The following DST variants were observed in gnomAD, a reference collection of about 807,000 sequenced individuals.
DST encodes bullous pemphigoid antigen.
In DST, 253 loss-of-function variants were observed where a neutral mutation model predicts 875.2. The observed-to-expected ratio is 0.29, with a 90% CI of 0.26 to 0.32. The LOEUF is 0.32. Among genes scored for constraint, DST ranks in the 10% least tolerant of loss-of-function variants. DST has a pLI of 1.00. For missense variants in DST, 8,287 were observed against 9,111.6 expected (o/e 0.91, Z 3.68); for synonymous variants, 3,124 against 3,197.1 (o/e 0.98, Z 0.77).
At chr6:56,459,306 G>A (rs147719000) in intron 103 of DST, 39 bp from the exon 104 acceptor site, 70 of 1,571,070 alleles carry the variant, frequency 4.5e-5, no homozygotes, top group Non-Finnish European at 5.6e-5. Context: ...CCTTATTATT[G>A]GGTCCATCTG....
chr6:56,801,037 A>C (rs567924271), intron 4 of DST, among the ~76,000 whole-genome samples: 1 of 151,930 alleles, frequency 6.6e-6, no homozygotes, highest in South Asian at 2.1e-4. Context: ...AAAAAAAAAA[A>C]AAAAAAAAAC....
chr6:56,468,079 T>C (rs1463080261), intron 98 of DST, among the ~76,000 whole-genome samples: 2 of 152,182 alleles, frequency 1.3e-5, no homozygotes, highest in Admixed American at 6.6e-5. Flanking sequence ...TGAGATGTAA[T>C]ATGGCTTTAA....
intron 3 of DST, among the ~76,000 whole-genome samples, chr6:56,888,084 G>A (rs1785487940): frequency 6.6e-6 from 1 of 151,608 alleles, no homozygotes; most frequent in Non-Finnish European, 1.5e-5. Flanking sequence ...CCAAGTAGCT[G>A]AGACTACAGG....
Position 56,635,722 on chromosome 6 carries a change from A to G in DST, c.3061-8T>C. 6.2e-7 allele frequency: 1 copy of G among 1,613,436 alleles called. No individual in the cohort carries two copies. Among genetic ancestry groups the G allele is most frequent in the East Asian group, 2.2e-5 (1 of 44,840 alleles). On this transcript the variant is annotated splice_region_variant and splice_polypyrimidine_tract_variant and intron_variant, in intron 23 of 103. Coordinates refer to ENST00000680361, the MANE Select transcript of DST (RefSeq NM_001374736.1). ...TTTGGCATCATTGAAAAACTAAGGA[A>G]AGATGAAACCTGGAAGTTAAAGTAT...
chr6:56,800,726 C>T (rs1178524122), intron 4 of DST, among the ~76,000 whole-genome samples: 3 of 151,238 alleles, frequency 2.0e-5, no homozygotes, highest in African/African-American at 7.3e-5. Context: ...AAAATAAAAA[C>T]TCCTATCTAA....
intron 58 of DST, 130 bp downstream of exon 58, chr6:56,560,164 A>C (rs753633422): frequency 1.2e-5 from 11 of 948,774 alleles, no homozygotes; most frequent in Non-Finnish European, 1.6e-5. Flanking sequence ...TATGCAAAAA[A>C]TAGATTCTGA....
intron 4 of DST, among the ~76,000 whole-genome samples, chr6:56,826,222 C>G (rs1037947892): frequency 6.6e-6 from 1 of 152,164 alleles, no homozygotes; most frequent in Non-Finnish European, 1.5e-5. Flanking sequence ...AATGACCACA[C>G]AAACAATAAG....
At chr6:56,845,294 G>A (rs1357801106) in intron 4 of DST, among the ~76,000 whole-genome samples, 1 of 152,098 alleles carries the variant, frequency 6.6e-6, no homozygotes, top group African/African-American at 2.4e-5. Context: ...TGTTAGCGTT[G>A]GGTGTTGTGA....
rs760441270 is a variant in DST at position 56,592,225 on chromosome 6, G to A, written c.12860C>T (p.Ala4287Val). The change falls in exon 49 of 104, where the codon GCG (alanine) becomes GTG (valine). Residue 4287 changes from alanine to valine, a missense_variant. Ala to Val is a moderately conservative substitution (Grantham distance 64). Around this residue, in one of 10 missense-constraint regions of DST, gnomAD observed 1,513 missense variants for 1,677.8 expected, o/e 0.90. Coordinates refer to ENST00000680361, the MANE Select transcript of DST (RefSeq NM_001374736.1). The part of the protein sequence containing the change: ...TASKHLSEPI[A>V]VDPKNLQRQL... ...CCTTTGAAGATTTTTGGGGTCCACC[G>A]CAATAGGTTCAGATAAGTGTTTGCT... 1.3e-4 allele frequency: 213 copies of A among 1,613,330 alleles called. No individual in the cohort carries two copies. The highest frequency in any genetic ancestry group is 1.8e-4 in the Non-Finnish European group (207 of 1,179,698).
In DST at chr6:56,630,351, G is replaced by A. The variant is rs760953740; in HGVS notation, c.4175C>T (p.Thr1392Ile). The stretch of plus-strand genomic sequence containing the variant: ...TTTTACGAGGGCTTCTGCAGCTTGA[G>A]TGTTTTTTAACACCAAGTTAACAGT... ...LKTVNLVLKN[T>I]QAAEALVKLY... Residue 1392 changes from threonine to isoleucine, a missense_variant, in exon 31 of 104, where the codon ACT (threonine) becomes ATT (isoleucine). Physicochemically the swap from Thr to Ile is moderately conservative, Grantham distance 89. Transcript: ENST00000680361. The A allele has an allele frequency of 2.5e-6, 4 of 1,612,816 alleles. No homozygotes were observed. The highest frequency in any genetic ancestry group is 3.4e-6 in the Non-Finnish European group (4 of 1,179,874).
chr6:56,791,854 G>T (rs2099725070), intron 4 of DST, among the ~76,000 whole-genome samples: 1 of 151,620 alleles, frequency 6.6e-6, no homozygotes. Flanking sequence ...TATTGAAAGG[G>T]TATGGATATA....
At chr6:56,543,117 G>C (rs1379785484) in intron 61 of DST, among the ~76,000 whole-genome samples, 1 of 152,172 alleles carries the variant, frequency 6.6e-6, no homozygotes, top group African/African-American at 2.4e-5. Context: ...ACCTGGCACC[G>C]GGAGATCCGC....
intron 5 of DST, among the ~76,000 whole-genome samples, chr6:56,706,787 G>A (rs1462715992): frequency 6.6e-6 from 1 of 152,124 alleles, no homozygotes; most frequent in African/African-American, 2.4e-5. Flanking sequence ...GATCACTTGA[G>A]GTCAGGAGTT....
intron 4 of DST, among the ~76,000 whole-genome samples, chr6:56,838,036 T>G (rs1016592838): frequency 1.3e-5 from 2 of 152,104 alleles, no homozygotes; most frequent in East Asian, 1.9e-4. Flanking sequence ...ATGTAATCCC[T>G]GAAATATTAA....
At chr6:56,598,961 A>G (rs902598067) in intron 45 of DST, among the ~76,000 whole-genome samples, 5 of 152,170 alleles carry the variant, frequency 3.3e-5, no homozygotes, top group African/African-American at 9.6e-5. Context: ...CTGAAAACAC[A>G]TAAGTATTCA....
chr6:56,884,268 T>C lies in DST; in HGVS notation c.417+16153A>G, dbSNP rs148099961. ...TCTCTTTTCTTGTATAGACTATCAC[T>C]CCCACATTTTTTCTTATAATTTGTC... On this transcript the variant is annotated intron_variant, in intron 3 of 103. Coordinates refer to ENST00000680361, the MANE Select transcript of DST (RefSeq NM_001374736.1). 2.3e-3 allele frequency among the ~76,000 whole-genome samples: 352 copies of C among 152,324 alleles called. 4 individuals carry two copies. Among genetic ancestry groups the C allele is most frequent in the Middle Eastern group, 0.014 (4 of 294 alleles).
At chr6:56,857,291 A>G (rs908742027) in intron 3 of DST, among the ~76,000 whole-genome samples, 2 of 152,192 alleles carry the variant, frequency 1.3e-5, no homozygotes, top group Non-Finnish European at 2.9e-5. Context: ...GTACTGGGAT[A>G]ACAAGCATGA....
rs1263574774 is a variant in DST, at chr6:56,851,490, G to A, written c.532C>T (p.Pro178Ser). 1 of 1,613,908 alleles carries A rather than the reference G, an allele frequency of 6.2e-7. No homozygotes were observed. The highest frequency in any genetic ancestry group is 8.5e-7 in the Non-Finnish European group (1 of 1,179,904). Residue 178 changes from proline (P) to serine (S), a missense_variant, in exon 4 of 104, where the codon CCC becomes TCC. By Grantham distance (74) the Pro-to-Ser change is moderately conservative. This residue lies in a region of DST where 1,160 missense variants were observed against 1,424.3 expected (regional missense o/e 0.81). Coordinates refer to ENST00000680361, the MANE Select transcript of DST (RefSeq NM_001374736.1). ...SASPAPGDTL[P>S]WNLPKHERSK... is the part of the protein sequence containing the mutation. ...CTCTCATGTTTAGGCAAATTCCAGG[G>A]TAAGGTGTCTCCCGGAGCTGGGGAT... is the stretch of plus-strand genomic sequence containing the variant.
chr6:56,489,677 T>TTTAAGACAGAGATTAATAGTGATGAAA, intron 85 of DST, 68 bp from the exon 86 acceptor site: 1 of 1,432,648 alleles, frequency 7.0e-7, no homozygotes, highest in East Asian at 2.3e-5. Flanking sequence ...CTAGCACAGT[T>TTTAAGACAGAGATTAATAGTGATGAAA]TTAAGACAGA....
Sources: gnomAD v4.1 joint callset for allele counts (sites outside exome capture counted in the v4.1 genomes callset) on GRCh38, gnomAD v4.1.1 for gene constraint, gnomAD v4.1.1 regional missense constraint, MANE v1.5 for transcripts, NCBI Gene and HGNC (gene_info 2026-07-23, HGNC 2026-07-21) for gene names.